Variants in IDE observed in about 807,000 individuals in gnomAD.
IDE encodes the protein insulin-degrading enzyme.
In IDE, 58 loss-of-function variants were observed where a neutral mutation model predicts 133.2. The ratio of observed to expected loss-of-function variants is 0.44; its 90% CI spans 0.35 to 0.54. IDE has a LOEUF of 0.54. Ranked by LOEUF, IDE falls within the 20% of genes least tolerant of loss-of-function variation. The pLI is 0.00. For missense variants in IDE, 981 were observed against 1,234.0 expected (o/e 0.79, Z 3.07); for synonymous variants, 396 against 421.3 (o/e 0.94, Z 0.73).
At chr10:92,536,383 C>CA (rs58280739) in intron 2 of IDE, among the ~76,000 whole-genome samples, 2,401 of 54,634 alleles carry the variant, frequency 0.044, 75 homozygotes, top group African/African-American at 0.094. Context: ...AACTCCGTCT[C>CA]AAAAAAAAAA....
chr10:92,524,433 T>TTATATAATAATATATATTATATTA (rs1849455220), intron 4 of IDE, among the ~76,000 whole-genome samples: 1 of 30,772 alleles, frequency 3.2e-5, no homozygotes. Context: ...ATAATATATT[T>TTATATAATAATATATATTATATTA]TATATAATAT....
At chr10:92,526,977 A>T (rs1849660775) in intron 4 of IDE, among the ~76,000 whole-genome samples, 1 of 151,890 alleles carries the variant, frequency 6.6e-6, no homozygotes, top group African/African-American at 2.4e-5. Flanking sequence ...ATACCACCAC[A>T]TCTAGCTTTT....
At chr10:92,492,766 A>T (rs148833642) in intron 11 of IDE, among the ~76,000 whole-genome samples, 61 of 152,320 alleles carry the variant, frequency 4.0e-4, no homozygotes, top group African/African-American at 1.5e-3. Flanking sequence ...CATTTTGAGA[A>T]TCCCAATCTC....
rs540822177 is a variant in IDE, at chr10:92,474,627, G to C, written c.2116+214C>G. 9.5e-5 allele frequency: 41 copies of C among 431,126 alleles called. No homozygotes were observed. In the South Asian group the frequency reaches 1.3e-3, roughly 13 times the overall value. 26.7% of individuals were successfully genotyped at this position (431,126 alleles called of 1,614,324 possible). Reference sequence around the variant, plus strand: ...TTTATTTATCATTTGTTTGGGTTGGGAATGTTCAATATCTTCCTTCTACCT... The same window carrying C: ...TTTATTTATCATTTGTTTGGGTTGGCAATGTTCAATATCTTCCTTCTACCT... On this transcript the variant is annotated intron_variant, in intron 17 of 24. Coordinates refer to ENST00000265986, the MANE Select transcript of IDE (RefSeq NM_004969.4).
chr10:92,529,872 C>T (rs1322862786), intron 4 of IDE, among the ~76,000 whole-genome samples: 1 of 152,170 alleles, frequency 6.6e-6, no homozygotes, highest in Non-Finnish European at 1.5e-5. Context: ...AGAGGAGCTC[C>T]AACATATTCT....
intron 4 of IDE, among the ~76,000 whole-genome samples, chr10:92,524,343 T>C (rs1228945609): frequency 4.8e-5 from 1 of 20,972 alleles, no homozygotes; most frequent in Non-Finnish European, 8.8e-5. Context: ...TATATTATAT[T>C]ATATATAATA....
intron 15 of IDE, among the ~76,000 whole-genome samples, chr10:92,476,990 C>G (rs1846290809): frequency 6.6e-6 from 1 of 152,186 alleles, no homozygotes; most frequent in Non-Finnish European, 1.5e-5. Context: ...CCTGCCTCGG[C>G]CTCCCAAAGT....
At position 92,574,071 on chromosome 10, in the gene IDE, A is replaced by T. The variant is rs981763642; in HGVS notation, c.-52T>A. 2.8e-6 allele frequency: 4 copies of T among 1,411,072 alleles called. No individual in the cohort carries two copies. The African/African-American group carries it at 4.5e-5, about 16-fold the overall frequency. 87.4% of individuals were successfully genotyped at this position (1,411,072 alleles called of 1,614,324 possible). ...GCAAACGCTTCCTGCTTGCGCTTCG[A>T]GCCGGCCCTGCGCACTGCGCATGCT... is the stretch of plus-strand genomic sequence containing the variant. On this transcript the variant is annotated 5_prime_UTR_variant, in exon 1 of 25. Transcript: ENST00000265986.
chr10:92,573,843 G>C (rs887597566), intron 1 of IDE, 79 bp downstream of exon 1: 30 of 1,017,286 alleles, frequency 2.9e-5, no homozygotes, highest in Non-Finnish European at 1.2e-5. Flanking sequence ...TTTAAGTGCT[G>C]AATCACCACT....
At position 92,483,348 on chromosome 10, in the gene IDE, G is replaced by A. The variant is rs1758066073; in HGVS notation, c.1657-11C>T. The A allele has an allele frequency of 6.5e-7, 1 of 1,538,880 alleles. No individual in the cohort carries two copies. Among genetic ancestry groups the A allele is most frequent in the Non-Finnish European group, 9.0e-7 (1 of 1,113,998 alleles). On this transcript the variant is annotated splice_polypyrimidine_tract_variant and intron_variant, in intron 13 of 24. Coordinates refer to ENST00000265986, the MANE Select transcript of IDE (RefSeq NM_004969.4). Reference sequence around the variant, plus strand: ...GCTCATAGCTGTATCCTGTGATGGAGAAACAATTTGGTTAGGGAAATAGAG... The same window carrying A: ...GCTCATAGCTGTATCCTGTGATGGAAAAACAATTTGGTTAGGGAAATAGAG...
Position 92,534,633 on chromosome 10 carries a change from G to A in IDE, c.436C>T (p.His146Tyr). The change falls in exon 3 of 25, where the codon CAT becomes TAT. Residue 146 changes from histidine to tyrosine, a missense_variant. Coordinates refer to ENST00000265986, the MANE Select transcript of IDE (RefSeq NM_004969.4). ...GAAACATCAAAATAGTAATTGGTATGCTCTCCACTAGTAAAGGCATTTGAA... is the reference window on the plus strand; with the variant it reads ...GAAACATCAAAATAGTAATTGGTATACTCTCCACTAGTAAAGGCATTTGAA... ...GSSNAFTSGE[H>Y]TNYYFDVSHE... 6.2e-7 allele frequency: 1 copy of A among 1,613,766 alleles called. No individual in the cohort carries two copies. The highest frequency in any genetic ancestry group is 8.5e-7 in the Non-Finnish European group (1 of 1,179,816).
chr10:92,486,870 A>G (rs985281602), intron 13 of IDE, among the ~76,000 whole-genome samples: 1 of 152,156 alleles, frequency 6.6e-6, no homozygotes, highest in Non-Finnish European at 1.5e-5. Flanking sequence ...TGCAGCATAA[A>G]CCTACTTCCT....
rs1276681468 is a variant in IDE at position 92,454,321 on chromosome 10, A to C, written c.*123T>G. 9.2e-6 allele frequency: 6 copies of C among 649,346 alleles called. No individual in the cohort carries two copies. Among genetic ancestry groups the C allele is most frequent in the Non-Finnish European group, 1.7e-5 (6 of 358,244 alleles). The allele number at this position is 649,346 out of a possible 1,614,324, so 40.2% of individuals were successfully genotyped here. A position where few individuals can be genotyped will look rare whatever the true frequency, so the allele number is the denominator to read the frequency against. On this transcript the variant is annotated 3_prime_UTR_variant, in exon 25 of 25. Transcript: ENST00000265986. ...TAATATTTCTACATAATGACATTTGACAATTTTTTGTTTGTTTCTCTAATA... is the reference window on the plus strand; with the variant it reads ...TAATATTTCTACATAATGACATTTGCCAATTTTTTGTTTGTTTCTCTAATA...
At chr10:92,532,644 T>C (rs189535546) in intron 3 of IDE, among the ~76,000 whole-genome samples, 1 of 152,040 alleles carries the variant, frequency 6.6e-6, no homozygotes. Context: ...TCCTTAATAA[T>C]AATACCTAAC....
chr10:92,469,106 C>T, intron 18 of IDE, 116 bp from the exon 19 acceptor site: 3 of 628,042 alleles, frequency 4.8e-6, no homozygotes, highest in Non-Finnish European at 8.5e-6. Flanking sequence ...TATATTTGAT[C>T]CTATTCAAAT....
At chr10:92,499,279 G>T (rs1021348268) in intron 11 of IDE, among the ~76,000 whole-genome samples, 1 of 151,990 alleles carries the variant, frequency 6.6e-6, no homozygotes, top group Non-Finnish European at 1.5e-5. Context: ...CGGCCCCCAG[G>T]TTCAAGCGAT....
chr10:92,457,949 T>A (rs1845118923), intron 22 of IDE, among the ~76,000 whole-genome samples: 1 of 152,198 alleles, frequency 6.6e-6, no homozygotes, highest in Admixed American at 6.5e-5. Context: ...TAACATGTAG[T>A]ACCTCATCTA....
intron 24 of IDE, among the ~76,000 whole-genome samples, chr10:92,455,282 C>T (rs886417899): frequency 3.3e-5 from 5 of 152,108 alleles, no homozygotes; most frequent in African/African-American, 1.2e-4. Context: ...TTGAGACCAG[C>T]CTGGCCAACA....
intron 4 of IDE, among the ~76,000 whole-genome samples, chr10:92,528,093 T>C (rs1474710241): frequency 6.6e-6 from 1 of 152,214 alleles, no homozygotes; most frequent in African/African-American, 2.4e-5. Flanking sequence ...GGCAATCCTA[T>C]CATATGGAAA....
Sources: allele counts gnomAD v4.1 joint callset (sites outside exome capture counted in the v4.1 genomes callset), GRCh38; gene constraint gnomAD v4.1.1; transcripts MANE v1.5; gene names NCBI Gene and HGNC (gene_info 2026-07-23, HGNC 2026-07-21).